RAB3IP: variants seen among roughly 807,000 people sequenced by gnomAD.
RAB3IP encodes rab-3A-interacting protein.
A neutral mutation model predicts 59.1 loss-of-function variants in RAB3IP; 36 were observed. The observed-to-expected ratio is 0.61, with a 90% CI of 0.47 to 0.80. RAB3IP has a LOEUF of 0.80. Ranked by LOEUF, RAB3IP falls within the 30% of genes least tolerant of loss-of-function variation. RAB3IP has a pLI of 0.00. For synonymous variants in RAB3IP, 207 were observed against 191.2 expected, an observed-to-expected ratio of 1.08 and a Z score of -0.68; for missense variants, 511 against 536.0, an observed-to-expected ratio of 0.95 and a Z score of 0.46.
chr12:69,807,279 G>A (rs1879516616), intron 8 of RAB3IP, among the ~76,000 whole-genome samples: 1 of 150,000 alleles, frequency 6.7e-6, no homozygotes, highest in Admixed American at 6.6e-5. Context: ...AGACGGGGCA[G>A]CCGGGCAGAG....
chr12:69,815,299 G>A (rs987005577), intron 10 of RAB3IP, 65 bp from the exon 11 acceptor site: 20 of 1,181,314 alleles, frequency 1.7e-5, no homozygotes, highest in African/African-American at 1.5e-4. Flanking sequence ...GGTTTTCAGC[G>A]AAACATTAAA....
chr12:69,743,242 G>A (rs1296343191), intron 1 of RAB3IP, among the ~76,000 whole-genome samples: 2 of 152,146 alleles, frequency 1.3e-5, no homozygotes, highest in Non-Finnish European at 2.9e-5. Context: ...ATTTGTTTGG[G>A]AGCATCTGGT....
intron 3 of RAB3IP, among the ~76,000 whole-genome samples, chr12:69,765,388 G>A (rs1872028183): frequency 6.6e-6 from 1 of 152,174 alleles, no homozygotes; most frequent in Non-Finnish European, 1.5e-5. Flanking sequence ...CACCTCTGTT[G>A]AGATGATCGT....
intron 8 of RAB3IP, among the ~76,000 whole-genome samples, chr12:69,807,055 C>G (rs1047092962): frequency 2.0e-5 from 3 of 152,192 alleles, no homozygotes; most frequent in African/African-American, 7.2e-5. Context: ...AACAAAACCG[C>G]CATCGTCATC....
rs879321645 is a variant in RAB3IP at position 69,815,419 on chromosome 12, G to C, written c.1356G>C (p.Lys452Asn). Reference sequence around the variant, plus strand: ...TGAGAAAAGAGATGTCATTGGCAAAGCTGGGTTATTTCAAAGAGGAACTCT... The same window carrying C: ...TGAGAAAAGAGATGTCATTGGCAAACCTGGGTTATTTCAAAGAGGAACTCT... Reference protein sequence around the residue: ...MQLRKEMSLAKLGYFKEEL With the variant: ...MQLRKEMSLANLGYFKEEL The change falls in exon 11 of 11, where the codon AAG (lysine) becomes AAC (asparagine). Residue 452 changes from lysine to asparagine, a missense_variant. Transcript: ENST00000247833. 6.8e-6 allele frequency: 11 copies of C among 1,612,994 alleles called. No individual in the cohort carries two copies. The highest frequency in any genetic ancestry group is 9.3e-6 in the Non-Finnish European group (11 of 1,179,062).
intron 8 of RAB3IP, among the ~76,000 whole-genome samples, chr12:69,806,282 A>C (rs142968296): frequency 6.6e-6 from 1 of 152,056 alleles, no homozygotes; most frequent in Non-Finnish European, 1.5e-5. Flanking sequence ...GTTTATTTGC[A>C]TAGAGGTGTT....
intron 1 of RAB3IP, among the ~76,000 whole-genome samples, chr12:69,743,113 C>CTT: frequency 6.6e-6 from 1 of 152,122 alleles, no homozygotes. Context: ...TATGAAGAAA[C>CTT]TATTCAAGAA....
chr12:69,798,083 C>T (rs1007198553), intron 6 of RAB3IP, among the ~76,000 whole-genome samples: 30 of 152,090 alleles, frequency 2.0e-4, no homozygotes, highest in Admixed American at 4.6e-4. Flanking sequence ...GTTCTAGGTC[C>T]CTGAGGAATC....
intron 8 of RAB3IP, among the ~76,000 whole-genome samples, chr12:69,809,719 C>T (rs1880096036): frequency 2.6e-5 from 4 of 152,182 alleles, no homozygotes; most frequent in Admixed American, 6.5e-5. Context: ...GCATTCGTCA[C>T]GTAGTTCTCA....
At chr12:69,778,488 G>A (rs946876597) in intron 3 of RAB3IP, among the ~76,000 whole-genome samples, 245 of 148,896 alleles carry the variant, frequency 1.6e-3, no homozygotes, top group African/African-American at 5.6e-3. Context: ...GAGGAGAGGC[G>A]CTCTGATTTT....
chr12:69,806,146 A>T (rs1421594696), intron 8 of RAB3IP, among the ~76,000 whole-genome samples: 2 of 152,060 alleles, frequency 1.3e-5, no homozygotes, highest in Non-Finnish European at 2.9e-5. Context: ...TTGGTTGGTA[A>T]GCTATTAATT....
chr12:69,819,297 A>C lies in RAB3IP; in HGVS notation c.*3851A>C, dbSNP rs1398183669. On this transcript the variant is annotated 3_prime_UTR_variant, in exon 11 of 11. Transcript: ENST00000247833. ...GTCTGAATCTTAGGCTTTTGGCTTGAGCTATTGCAGTTTATTGAGATGGGG... is the reference window on the plus strand; with the variant it reads ...GTCTGAATCTTAGGCTTTTGGCTTGCGCTATTGCAGTTTATTGAGATGGGG... 6.6e-6 allele frequency: 1 copy of C among 152,202 alleles called. No homozygotes were observed. Among genetic ancestry groups the C allele is most frequent in the Non-Finnish European group, 1.5e-5 (1 of 68,034 alleles). 9.4% of individuals were successfully genotyped at this position (152,202 alleles called of 1,614,324 possible).
intron 1 of RAB3IP, among the ~76,000 whole-genome samples, chr12:69,746,187 C>T (rs1312450336): frequency 1.3e-5 from 2 of 152,166 alleles, no homozygotes; most frequent in African/African-American, 4.8e-5. Flanking sequence ...CCTTGGGAGT[C>T]ATTTTTAAAT....
rs535567810 is a variant in RAB3IP at position 69,792,744 on chromosome 12, C to A, written c.607-1693C>A. ...TGTATGTTATACCTTTTCACTGTAACCCTTATGTCTGTAGTGGAAAAGTCA... is the reference window on the plus strand; with the variant it reads ...TGTATGTTATACCTTTTCACTGTAAACCTTATGTCTGTAGTGGAAAAGTCA... On this transcript the variant is annotated intron_variant, in intron 4 of 10. Coordinates refer to ENST00000247833, the MANE Select transcript of RAB3IP (RefSeq NM_022456.5). Among the ~76,000 whole-genome samples the A allele has an allele frequency of 5.9e-5, 9 of 152,228 alleles. No homozygotes were observed. The South Asian group carries it at 1.9e-3, about 32-fold the overall frequency.
chr12:69,773,406 T>TTTTC (rs1202107146), intron 3 of RAB3IP, among the ~76,000 whole-genome samples: 3 of 135,096 alleles, frequency 2.2e-5, no homozygotes, highest in Non-Finnish European at 4.8e-5. Context: ...TTTCTTTTTT[T>TTTTC]TTTTTTTTTT....
chr12:69,751,811 G>T (rs181118089), intron 1 of RAB3IP, among the ~76,000 whole-genome samples: 1 of 152,126 alleles, frequency 6.6e-6, no homozygotes, highest in East Asian at 1.9e-4. Flanking sequence ...TACCATCTCA[G>T]TACACAAGTT....
chr12:69,768,766 C>T (rs1376875979), intron 3 of RAB3IP, among the ~76,000 whole-genome samples: 2 of 152,122 alleles, frequency 1.3e-5, no homozygotes, highest in South Asian at 2.1e-4. Context: ...TCTACTACTC[C>T]AGTACTTTCC....
intron 3 of RAB3IP, among the ~76,000 whole-genome samples, chr12:69,781,549 C>G (rs937002600): frequency 1.3e-5 from 2 of 152,190 alleles, no homozygotes; most frequent in East Asian, 3.8e-4. Context: ...TCCCTAAAAA[C>G]CCTGGCAACC....
chr12:69,782,688 T>TC (rs1874940506), intron 3 of RAB3IP, among the ~76,000 whole-genome samples: 1 of 152,228 alleles, frequency 6.6e-6, no homozygotes, highest in African/African-American at 2.4e-5. Flanking sequence ...AATATTTTTT[T>TC]CCCAATTTGT....
Sources: allele counts gnomAD v4.1 joint callset (sites outside exome capture counted in the v4.1 genomes callset), GRCh38; gene constraint gnomAD v4.1.1; transcripts MANE v1.5; gene names NCBI Gene and HGNC (gene_info 2026-07-23, HGNC 2026-07-21).